PPP1R9A: variants seen among roughly 807,000 people sequenced by gnomAD.
The protein encoded by PPP1R9A is neurabin-1.
In PPP1R9A, 59 loss-of-function variants were observed where a neutral mutation model predicts 141.9. The ratio of observed to expected loss-of-function variants is 0.42; its 90% confidence interval spans 0.34 to 0.52. The LOEUF (loss-of-function observed/expected upper bound fraction) is 0.52. Among genes scored for constraint, PPP1R9A ranks in the 20% least tolerant of loss-of-function variants. PPP1R9A has a pLI of 0.10. For synonymous variants in PPP1R9A, 500 were observed against 569.7 expected (o/e 0.88, Z 1.74); for missense variants, 1,444 against 1,611.9 (o/e 0.90, Z 1.78).
intron 2 of PPP1R9A, among the ~76,000 whole-genome samples, chr7:94,943,180 A>G (rs553755765): frequency 1.3e-5 from 2 of 152,344 alleles, no homozygotes; most frequent in South Asian, 4.1e-4. Context: ...AAATAATTTC[A>G]TAAGTATTTT....
intron 4 of PPP1R9A, among the ~76,000 whole-genome samples, chr7:95,137,574 G>A (rs114799946): frequency 0.011 from 1,628 of 152,270 alleles, 22 homozygotes; most frequent in African/African-American, 0.028. Flanking sequence ...TAAATAAATG[G>A]AAACATACAT....
chr7:95,121,455 G>GTCTA lies in PPP1R9A; in HGVS notation c.1649+626_1649+627insATCT, dbSNP rs776836872. On this transcript the variant is annotated intron_variant, in intron 4 of 19. Coordinates refer to ENST00000433360, the MANE Select transcript of PPP1R9A (RefSeq NM_001166160.2). Reference sequence around the variant, plus strand: ...TCTCAAGCTATTTGTCTGTCTGTCTGTCTGTCTATCTATCTATCTATCTAT... The same window carrying GTCTA: ...TCTCAAGCTATTTGTCTGTCTGTCTGTCTATCTGTCTATCTATCTATCTATCTAT... Among the ~76,000 whole-genome samples the GTCTA allele has an allele frequency of 6.2e-3, 894 of 144,918 alleles. 2 individuals are homozygous for GTCTA. Among genetic ancestry groups the GTCTA allele is most frequent in the Admixed American group, 0.013 (189 of 14,192 alleles).
intron 2 of PPP1R9A, among the ~76,000 whole-genome samples, chr7:94,984,508 A>C (rs1800547779): frequency 6.6e-6 from 1 of 151,892 alleles, no homozygotes; most frequent in Non-Finnish European, 1.5e-5. Context: ...TCAATTTCAG[A>C]GCCTGTTATT....
At chr7:94,911,884 G>A (rs1791489601) in intron 2 of PPP1R9A, among the ~76,000 whole-genome samples, 1 of 152,108 alleles carries the variant, frequency 6.6e-6, no homozygotes, top group Non-Finnish European at 1.5e-5. Flanking sequence ...TTTTCTGAAT[G>A]TACACACTTT....
At chr7:95,259,227 C>G (rs1373388540) in intron 12 of PPP1R9A, among the ~76,000 whole-genome samples, 3 of 150,616 alleles carry the variant, frequency 2.0e-5, no homozygotes, top group Non-Finnish European at 4.4e-5. Flanking sequence ...AAATAGAGAA[C>G]AGAGAGGGCT....
chr7:94,986,012 A>C (rs957566833), intron 2 of PPP1R9A, among the ~76,000 whole-genome samples: 7 of 152,182 alleles, frequency 4.6e-5, no homozygotes. Context: ...ACAAGTTTTA[A>C]AATCTTTGGA....
chr7:94,954,924 T>G (rs1049483079), intron 2 of PPP1R9A, among the ~76,000 whole-genome samples: 1 of 151,826 alleles, frequency 6.6e-6, no homozygotes, highest in African/African-American at 2.4e-5. Context: ...AAGTCTACAG[T>G]TATTCAATAT....
chr7:94,915,277 A>G (rs1791934836), intron 2 of PPP1R9A, among the ~76,000 whole-genome samples: 1 of 152,164 alleles, frequency 6.6e-6, no homozygotes, highest in Admixed American at 6.5e-5. Flanking sequence ...TCCGAGTCAT[A>G]GTTAGGGCAT....
chr7:95,136,741 CA>C (rs1563292244), intron 4 of PPP1R9A, among the ~76,000 whole-genome samples: 1 of 152,150 alleles, frequency 6.6e-6, no homozygotes, highest in Admixed American at 6.5e-5. Flanking sequence ...AATAAAACCA[CA>C]AATAAAAGGA....
intron 6 of PPP1R9A, among the ~76,000 whole-genome samples, chr7:95,199,231 C>A (rs1242567171): frequency 6.6e-6 from 1 of 152,102 alleles, no homozygotes; most frequent in Non-Finnish European, 1.5e-5. Context: ...GGACAACATG[C>A]TTTATTATAA....
chr7:95,242,563 A>C (rs1050869791), intron 8 of PPP1R9A, among the ~76,000 whole-genome samples: 2 of 152,024 alleles, frequency 1.3e-5, no homozygotes, highest in African/African-American at 4.8e-5. Context: ...TCGATCCGGT[A>C]ATATGAGTGC....
rs183480606 is a variant in PPP1R9A at position 94,952,525 on chromosome 7, T to C, written c.1395+41017T>C. On this transcript the variant is annotated intron_variant, in intron 2 of 19. Transcript: ENST00000433360. ...TTCTAGTTCTACATCCTTGAGGAATTGCCACACTGTCTTCCACAATGGTTG... is the reference window on the plus strand; with the variant it reads ...TTCTAGTTCTACATCCTTGAGGAATCGCCACACTGTCTTCCACAATGGTTG... 1.5e-4 allele frequency among the ~76,000 whole-genome samples: 23 copies of C among 152,266 alleles called. No homozygotes were observed. In the East Asian group the frequency reaches 2.3e-3, roughly 15 times the overall value.
At chr7:95,215,205 A>G (rs1585292245) in intron 7 of PPP1R9A, among the ~76,000 whole-genome samples, 1 of 143,366 alleles carries the variant, frequency 7.0e-6, no homozygotes, top group Admixed American at 7.5e-5. Flanking sequence ...CCACCTATGA[A>G]TGAGAACATG....
intron 16 of PPP1R9A, among the ~76,000 whole-genome samples, chr7:95,280,739 A>C (rs1204047938): frequency 2.0e-5 from 3 of 152,188 alleles, no homozygotes; most frequent in African/African-American, 7.2e-5. Context: ...TGGAAAAATT[A>C]TTTTCAGATT....
At chr7:94,966,541 T>C (rs1798239635) in intron 2 of PPP1R9A, among the ~76,000 whole-genome samples, 1 of 152,218 alleles carries the variant, frequency 6.6e-6, no homozygotes, top group Admixed American at 6.5e-5. Flanking sequence ...TTGAATTTTA[T>C]TGAAGGCCTT....
chr7:95,181,626 T>C (rs1004649612), intron 5 of PPP1R9A, among the ~76,000 whole-genome samples: 6 of 140,538 alleles, frequency 4.3e-5, no homozygotes, highest in Non-Finnish European at 6.0e-5. Flanking sequence ...ATATATTCCA[T>C]CACATATATA....
chr7:95,120,599 C>A, intron 3 of PPP1R9A, 113 bp from the exon 4 acceptor site: 1 of 1,203,434 alleles, frequency 8.3e-7, no homozygotes, highest in Non-Finnish European at 1.2e-6. Context: ...ATGTTATTGT[C>A]CTATCCATAA....
At chr7:95,070,922 A>C (rs1813728849) in intron 2 of PPP1R9A, among the ~76,000 whole-genome samples, 1 of 152,006 alleles carries the variant, frequency 6.6e-6, no homozygotes, top group Non-Finnish European at 1.5e-5. Context: ...CAAGAGAGGC[A>C]GGCCTCAGAT....
chr7:95,082,757 A>G (rs1339081717), intron 2 of PPP1R9A, among the ~76,000 whole-genome samples: 1 of 140,228 alleles, frequency 7.1e-6, no homozygotes, highest in East Asian at 2.1e-4. Flanking sequence ...TGTAGGGTGG[A>G]AGGGATTTCT....
Sources: allele counts gnomAD v4.1 joint callset (sites outside exome capture counted in the v4.1 genomes callset), GRCh38; gene constraint gnomAD v4.1.1; transcripts MANE v1.5; gene names NCBI Gene and HGNC (gene_info 2026-07-23, HGNC 2026-07-21).